Variants in ABCD2 observed in about 807,000 individuals in gnomAD.
ABCD2 encodes ATP-binding cassette sub-family D member 2.
A neutral mutation model predicts 70.9 loss-of-function variants in ABCD2; 36 were observed. That is an observed-to-expected ratio of 0.51 (90% CI 0.39 to 0.67). The LOEUF is 0.67. Among genes scored for constraint, ABCD2 ranks in the 30% least tolerant of loss-of-function variants. The probability of loss-of-function intolerance (pLI) is 0.00; values close to 1 mark genes in which losing one functional copy is unlikely to be tolerated. For synonymous variants in ABCD2, 304 were observed against 306.9 expected, an observed-to-expected ratio of 0.99 and a Z score of 0.10; for missense variants, 729 against 890.2, an observed-to-expected ratio of 0.82 and a Z score of 2.30.
At chr12:39,602,177 C>T (rs1941908757) in intron 5 of ABCD2, among the ~76,000 whole-genome samples, 1 of 137,790 alleles carries the variant, frequency 7.3e-6, no homozygotes, top group African/African-American at 2.8e-5. Context: ...ATTTTTTATA[C>T]TGAGTCTTAT....
chr12:39,557,106 G>C (rs755952496), intron 9 of ABCD2, among the ~76,000 whole-genome samples: 4 of 152,170 alleles, frequency 2.6e-5, no homozygotes, highest in Non-Finnish European at 5.9e-5. Context: ...GAATTTCCTA[G>C]GGACTTATTG....
At chr12:39,547,763 C>G (rs1941039737), downstream of ABCD2, among the ~76,000 whole-genome samples, 1 of 152,026 alleles carries the variant, frequency 6.6e-6, no homozygotes, top group South Asian at 2.1e-4. Context: ...CATTACTGAA[C>G]TGTACACATA....
chr12:39,537,020 G>T, the ABCD2 span, among the ~76,000 whole-genome samples: 1 of 151,610 alleles, frequency 6.6e-6, no homozygotes, highest in Non-Finnish European at 1.5e-5. Flanking sequence ...GCTTCAGGCC[G>T]CTCTCTCTTT....
chr12:39,598,444 G>A (rs557669314), intron 6 of ABCD2, among the ~76,000 whole-genome samples: 6 of 151,954 alleles, frequency 3.9e-5, no homozygotes, highest in South Asian at 2.1e-4. Context: ...CTTGTTGCCC[G>A]GGCTGGAGTG....
downstream of ABCD2, among the ~76,000 whole-genome samples, chr12:39,548,424 T>C (rs1165523183): frequency 6.6e-6 from 1 of 152,062 alleles, no homozygotes; most frequent in Non-Finnish European, 1.5e-5. Context: ...ACCCTACCTA[T>C]GTGAGTCTTG....
chr12:39,554,180 C>T, intron 9 of ABCD2, 49 bp from the exon 10 acceptor site: 1 of 1,537,160 alleles, frequency 6.5e-7, no homozygotes, highest in South Asian at 1.2e-5. Flanking sequence ...GTTGAAAAAT[C>T]ATTTTAGTTG....
chr12:39,604,735 A>G (rs756617083), intron 4 of ABCD2, 27 bp downstream of exon 4: 2 of 1,502,434 alleles, frequency 1.3e-6, no homozygotes, highest in Non-Finnish European at 1.8e-6. Flanking sequence ...AAATATAGGA[A>G]AATATAAAAG....
intron 9 of ABCD2, among the ~76,000 whole-genome samples, chr12:39,560,955 C>T (rs1198412596): frequency 6.6e-6 from 1 of 152,044 alleles, no homozygotes; most frequent in African/African-American, 2.4e-5. Context: ...AAGAAAATCA[C>T]TTACCCACAA....
chr12:39,606,979 C>T (rs944673870), intron 3 of ABCD2, among the ~76,000 whole-genome samples: 14 of 152,008 alleles, frequency 9.2e-5, no homozygotes, highest in African/African-American at 3.4e-4. Flanking sequence ...ATATACACAG[C>T]TATAATGTGG....
intron 1 of ABCD2, 55 bp from the exon 2 acceptor site, chr12:39,617,223 C>A (rs1942128365): frequency 1.5e-5 from 14 of 915,880 alleles, no homozygotes; most frequent in Middle Eastern, 3.8e-4. Context: ...ACATATTATT[C>A]TTTTTTTTTT....
the ABCD2 span, among the ~76,000 whole-genome samples, chr12:39,534,896 G>GAAAC: frequency 2.9e-5 from 1 of 34,522 alleles, no homozygotes; most frequent in Admixed American, 2.6e-4. Flanking sequence ...AAGAAAGAAA[G>GAAAC]AAAGAAAGAA....
chr12:39,576,155 G>T (rs1276224952), intron 8 of ABCD2, among the ~76,000 whole-genome samples: 2 of 149,648 alleles, frequency 1.3e-5, no homozygotes, highest in African/African-American at 5.1e-5. Flanking sequence ...TAAAGTTTTT[G>T]TTGTTGTTGT....
At chr12:39,590,511 T>C (rs1941731292) in intron 6 of ABCD2, among the ~76,000 whole-genome samples, 1 of 152,108 alleles carries the variant, frequency 6.6e-6, no homozygotes, top group South Asian at 2.1e-4. Flanking sequence ...ATGTGGATCA[T>C]TTAACAAATA....
intron 9 of ABCD2, among the ~76,000 whole-genome samples, chr12:39,568,159 T>G (rs1185201150): frequency 6.6e-6 from 1 of 152,156 alleles, no homozygotes; most frequent in Non-Finnish European, 1.5e-5. Context: ...TTTCGTGAAT[T>G]TGAATGTTGG....
At chr12:39,603,458 T>C (rs1591993917) in intron 5 of ABCD2, among the ~76,000 whole-genome samples, 1 of 152,110 alleles carries the variant, frequency 6.6e-6, no homozygotes, top group Non-Finnish European at 1.5e-5. Flanking sequence ...ATCTTCTGAT[T>C]ATTTTATAAT....
chr12:39,570,109 A>C (rs955845945), intron 9 of ABCD2, among the ~76,000 whole-genome samples: 1 of 152,264 alleles, frequency 6.6e-6, no homozygotes, highest in African/African-American at 2.4e-5. Flanking sequence ...ATAAAATGAT[A>C]TCTCATGTTT....
intron 9 of ABCD2, among the ~76,000 whole-genome samples, chr12:39,564,678 G>T (rs1941315596): frequency 6.6e-6 from 1 of 151,922 alleles, no homozygotes; most frequent in Non-Finnish European, 1.5e-5. Context: ...CATTGCTTTT[G>T]GTGTTTTAGA....
At position 39,568,569 on chromosome 12, in the gene ABCD2, C is replaced by T. The variant is rs60741623; in HGVS notation, c.2003+5147G>A. Among the ~76,000 whole-genome samples, 1,149 of 152,092 alleles carry T rather than the reference C, an allele frequency of 7.6e-3. 15 individuals are homozygous for T. Among genetic ancestry groups the T allele is most frequent in the African/African-American group, 0.026 (1,064 of 41,498 alleles). The stretch of plus-strand genomic sequence containing the variant: ...GTTTTTAACTTGTTTTCCATGGGTT[C>T]GAACTCCCTCCTTTAGCTCGGAGTA... On this transcript the variant is annotated intron_variant, in intron 9 of 9. Transcript: ENST00000308666.
the ABCD2 span, among the ~76,000 whole-genome samples, chr12:39,535,812 T>C: frequency 6.6e-6 from 1 of 152,206 alleles, no homozygotes; most frequent in South Asian, 2.1e-4. Context: ...AAGTAAATAC[T>C]ACATGCTATT....
Sources: allele counts gnomAD v4.1 joint callset (sites outside exome capture counted in the v4.1 genomes callset), GRCh38; gene constraint gnomAD v4.1.1; transcripts MANE v1.5; gene names NCBI Gene and HGNC (gene_info 2026-07-23, HGNC 2026-07-21).